Variants in SKAP1 observed in about 807,000 individuals in gnomAD.
SKAP1 encodes src kinase associated phosphoprotein 1.
A neutral mutation model predicts 58.5 loss-of-function variants in SKAP1; 44 were observed. The observed-to-expected ratio is 0.75, with a 90% CI of 0.59 to 0.97. SKAP1 has a LOEUF of 0.97. Among genes scored for constraint, SKAP1 ranks in the 50% least tolerant of loss-of-function variants. SKAP1 has a pLI of 0.00. For missense variants in SKAP1, 390 were observed against 435.2 expected (o/e 0.90, Z 0.92); for synonymous variants, 127 against 149.7 (o/e 0.85, Z 1.11).
chr17:48,265,992 C>G (rs1195767476), intron 4 of SKAP1, among the ~76,000 whole-genome samples: 2 of 152,148 alleles, frequency 1.3e-5, no homozygotes, highest in Non-Finnish European at 2.9e-5. Flanking sequence ...TGATTCCTCT[C>G]TTGGGATATT....
chr17:48,191,255 T>TG (rs1375456041), intron 4 of SKAP1, among the ~76,000 whole-genome samples: 1 of 151,874 alleles, frequency 6.6e-6, no homozygotes. Flanking sequence ...GAAAGAAGAA[T>TG]GAAAAAAAAA....
At chr17:48,319,002 G>T (rs1159306010) in intron 4 of SKAP1, among the ~76,000 whole-genome samples, 1 of 152,290 alleles carries the variant, frequency 6.6e-6, no homozygotes, top group East Asian at 1.9e-4. Context: ...AACCTTTAAA[G>T]AAGTACACAT....
chr17:48,192,225 C>G (rs2064555854), intron 4 of SKAP1, among the ~76,000 whole-genome samples: 1 of 151,634 alleles, frequency 6.6e-6, no homozygotes. Flanking sequence ...AAATGAAAGA[C>G]ATAGGGAGAT....
chr17:48,270,743 T>C (rs1263472309), intron 4 of SKAP1, among the ~76,000 whole-genome samples: 1 of 152,152 alleles, frequency 6.6e-6, no homozygotes, highest in East Asian at 1.9e-4. Flanking sequence ...GTCAAGGCTA[T>C]TTTTTACCAA....
intron 4 of SKAP1, among the ~76,000 whole-genome samples, chr17:48,302,954 G>GTT (rs1318564764): frequency 2.6e-5 from 4 of 152,244 alleles, no homozygotes; most frequent in African/African-American, 9.6e-5. Flanking sequence ...AGTGAGCTGT[G>GTT]TTTTGGGCAA....
intron 7 of SKAP1, among the ~76,000 whole-genome samples, chr17:48,183,430 A>T (rs984373152): frequency 6.6e-6 from 1 of 152,164 alleles, no homozygotes; most frequent in African/African-American, 2.4e-5. Context: ...GCCTTTAGTA[A>T]TTTTTTTATT....
At chr17:48,405,450 T>TTCCTTTC (rs2067566676) in intron 1 of SKAP1, among the ~76,000 whole-genome samples, 3 of 94,006 alleles carry the variant, frequency 3.2e-5, no homozygotes, top group Non-Finnish European at 6.6e-5. Context: ...TCTTTCTTTC[T>TTCCTTTC]TTTCTTTCTT....
upstream of SKAP1, among the ~76,000 whole-genome samples, chr17:48,432,274 C>G (rs1485698185): frequency 6.6e-6 from 1 of 152,046 alleles, no homozygotes; most frequent in Non-Finnish European, 1.5e-5. Flanking sequence ...ACTAATAATA[C>G]AAAAATTAGC....
intron 1 of SKAP1, among the ~76,000 whole-genome samples, chr17:48,420,828 T>A (rs1323316860): frequency 6.6e-6 from 1 of 152,116 alleles, no homozygotes; most frequent in African/African-American, 2.4e-5. Flanking sequence ...GGAGGGAGTG[T>A]CCTGTGCATT....
At chr17:48,207,875 C>A (rs762824560) in intron 4 of SKAP1, among the ~76,000 whole-genome samples, 48 of 152,176 alleles carry the variant, frequency 3.2e-4, no homozygotes, top group African/African-American at 7.0e-4. Context: ...TTATCTGGAA[C>A]CTTCCACGTG....
chr17:48,319,247 G>A (rs1400003347), intron 4 of SKAP1, among the ~76,000 whole-genome samples: 1 of 151,960 alleles, frequency 6.6e-6, no homozygotes, highest in African/African-American at 2.4e-5. Context: ...ATCCTTTTTG[G>A]GACAATCTTC....
At chr17:48,386,739 G>A (rs542749879) in intron 2 of SKAP1, among the ~76,000 whole-genome samples, 1 of 152,200 alleles carries the variant, frequency 6.6e-6, no homozygotes, top group Non-Finnish European at 1.5e-5. Context: ...GGCAGGAGCA[G>A]GGAAGGGAAG....
chr17:48,185,051 A>C, intron 6 of SKAP1: 1 of 523,270 alleles, frequency 1.9e-6, no homozygotes, highest in Non-Finnish European at 3.3e-6. Flanking sequence ...AGGGAAATGC[A>C]ACGTGAAAGG....
At position 48,184,715 on chromosome 17, in the gene SKAP1, C is replaced by A; in HGVS notation, c.567+8G>T. On this transcript the variant is annotated splice_region_variant and intron_variant, in intron 7 of 12. Coordinates refer to ENST00000336915, the MANE Select transcript of SKAP1 (RefSeq NM_003726.4). ...AAGAAGGATCACCATCTCCTTGATG[C>A]GTCCTACCTCATAGCTGCGCCTATC... 1 of 1,613,830 alleles carries A rather than the reference C, an allele frequency of 6.2e-7. No homozygotes were observed. The highest frequency in any genetic ancestry group is 8.5e-7 in the Non-Finnish European group (1 of 1,179,830).
chr17:48,182,712 TTATC>T (rs1261196541), intron 7 of SKAP1, among the ~76,000 whole-genome samples: 1 of 152,250 alleles, frequency 6.6e-6, no homozygotes, highest in Non-Finnish European at 1.5e-5. Context: ...TTTCATTTGA[TTATC>T]TATTCCTTCA....
chr17:48,241,998 A>C (rs2065248009), intron 4 of SKAP1, among the ~76,000 whole-genome samples: 1 of 152,228 alleles, frequency 6.6e-6, no homozygotes, highest in South Asian at 2.1e-4. Context: ...CTTAGTATCA[A>C]AGGGGTTAAT....
chr17:48,246,477 C>T (rs998485163), intron 4 of SKAP1, among the ~76,000 whole-genome samples: 2 of 152,208 alleles, frequency 1.3e-5, no homozygotes, highest in East Asian at 3.8e-4. Context: ...CAGAGGTTCT[C>T]TCATTCAAAC....
At chr17:48,181,201 C>T (rs1325418972) in intron 8 of SKAP1, among the ~76,000 whole-genome samples, 2 of 152,060 alleles carry the variant, frequency 1.3e-5, no homozygotes, top group African/African-American at 2.4e-5. Flanking sequence ...CCACCACATA[C>T]GAGGAAAAGA....
chr17:48,290,113 A>G (rs563821546), intron 4 of SKAP1, among the ~76,000 whole-genome samples: 7 of 152,254 alleles, frequency 4.6e-5, no homozygotes, highest in African/African-American at 1.7e-4. Flanking sequence ...TACTTGAAAA[A>G]TCTGTTTCAT....
Sources: gnomAD v4.1 joint callset for allele counts (sites outside exome capture counted in the v4.1 genomes callset) on GRCh38, gnomAD v4.1.1 for gene constraint, MANE v1.5 for transcripts, NCBI Gene and HGNC (gene_info 2026-07-23, HGNC 2026-07-21) for gene names.